The following ZFAND3 variants were observed in gnomAD, a reference collection of about 807,000 sequenced individuals.
ZFAND3 encodes zinc finger AN1-type containing 3.
A neutral mutation model predicts 29.6 loss-of-function variants in ZFAND3; 10 were observed. The ratio of observed to expected loss-of-function variants is 0.34; its 90% CI spans 0.21 to 0.57. The LOEUF (loss-of-function observed/expected upper bound fraction) is 0.57. ZFAND3 is among the 20% of genes least tolerant of loss of function. The pLI is 0.86. For synonymous variants in ZFAND3, 128 were observed against 112.6 expected (o/e 1.14, Z -0.87); for missense variants, 230 against 304.5 (o/e 0.76, Z 1.82).
At chr6:38,009,865 C>T (rs1015159397) in intron 2 of ZFAND3, among the ~76,000 whole-genome samples, 1 of 152,172 alleles carries the variant, frequency 6.6e-6, no homozygotes, top group African/African-American at 2.4e-5. Context: ...TCTTTTGAAT[C>T]TGAAATTGAT....
intron 1 of ZFAND3, among the ~76,000 whole-genome samples, chr6:37,904,548 G>A (rs1361499745): frequency 6.6e-6 from 1 of 152,174 alleles, no homozygotes; most frequent in Non-Finnish European, 1.5e-5. Context: ...TTGAAATAGT[G>A]ACAGAGGCTG....
chr6:37,964,882 A>G (rs894172027), intron 2 of ZFAND3, among the ~76,000 whole-genome samples: 1 of 152,188 alleles, frequency 6.6e-6, no homozygotes, highest in Non-Finnish European at 1.5e-5. Context: ...CATCTGGGGA[A>G]TGAGGGTAGT....
intron 1 of ZFAND3, among the ~76,000 whole-genome samples, chr6:37,826,677 C>T (rs1043114855): frequency 6.6e-6 from 1 of 151,322 alleles, no homozygotes; most frequent in African/African-American, 2.4e-5. Flanking sequence ...CGCTTGAATC[C>T]AGGAGGCAGA....
At chr6:38,130,255 GCAAA>G (rs1765717472) in intron 5 of ZFAND3, among the ~76,000 whole-genome samples, 1 of 152,162 alleles carries the variant, frequency 6.6e-6, no homozygotes, top group Non-Finnish European at 1.5e-5. Flanking sequence ...TCATCCATCA[GCAAA>G]CAGTGAGTTT....
At chr6:37,895,459 CTTTT>C (rs11331881) in intron 1 of ZFAND3, among the ~76,000 whole-genome samples, 1 of 76,772 alleles carries the variant, frequency 1.3e-5, no homozygotes, top group African/African-American at 5.2e-5. Context: ...CTCAGAGGTT[CTTTT>C]TTTTTTTTTT....
intron 1 of ZFAND3, among the ~76,000 whole-genome samples, 192 bp from the exon 2 acceptor site, chr6:37,929,767 T>TG (rs1363688623): frequency 6.6e-6 from 1 of 150,514 alleles, no homozygotes; most frequent in Non-Finnish European, 1.5e-5. Flanking sequence ...ATTTTTGTTT[T>TG]TTTTTTTTAA....
chr6:38,125,873 G>A (rs889409504), intron 5 of ZFAND3, among the ~76,000 whole-genome samples: 3 of 152,094 alleles, frequency 2.0e-5, no homozygotes, highest in African/African-American at 7.2e-5. Context: ...CCATTTTATG[G>A]TTGAATGAGT....
chr6:38,133,464 A>C (rs1325849007), intron 5 of ZFAND3, among the ~76,000 whole-genome samples: 1 of 152,086 alleles, frequency 6.6e-6, no homozygotes, highest in Non-Finnish European at 1.5e-5. Context: ...GCATTGTTGG[A>C]CAAGGCCGGG....
At chr6:37,945,193 T>C (rs1398310345) in intron 2 of ZFAND3, among the ~76,000 whole-genome samples, 1 of 152,218 alleles carries the variant, frequency 6.6e-6, no homozygotes, top group East Asian at 1.9e-4. Context: ...CAGGGTCTTC[T>C]TGGCTCCTAG....
chr6:37,866,798 G>A (rs1233030399), intron 1 of ZFAND3, among the ~76,000 whole-genome samples: 1 of 152,208 alleles, frequency 6.6e-6, no homozygotes, highest in Non-Finnish European at 1.5e-5. Context: ...AAATGTCAGT[G>A]AGAGATAGCT....
At chr6:38,091,146 A>G (rs1183260094) in intron 4 of ZFAND3, among the ~76,000 whole-genome samples, 1 of 152,254 alleles carries the variant, frequency 6.6e-6, no homozygotes. Flanking sequence ...GCACTCTAGT[A>G]TAAAAACGAA....
intron 2 of ZFAND3, among the ~76,000 whole-genome samples, chr6:38,043,610 C>T (rs1763838660): frequency 6.8e-6 from 1 of 146,624 alleles, no homozygotes; most frequent in Non-Finnish European, 1.5e-5. Context: ...CTCTTCCTTT[C>T]CCTCTCCCGC....
At chr6:38,094,404 A>G (rs890479952) in intron 4 of ZFAND3, among the ~76,000 whole-genome samples, 5 of 152,220 alleles carry the variant, frequency 3.3e-5, no homozygotes, top group Admixed American at 2.6e-4. Flanking sequence ...TAAAAGTAAC[A>G]TATGGTAACA....
chr6:38,037,057 G>A (rs752488331), intron 2 of ZFAND3, among the ~76,000 whole-genome samples: 4 of 152,188 alleles, frequency 2.6e-5, no homozygotes, highest in Non-Finnish European at 5.9e-5. Context: ...TTTGAAAAAT[G>A]TCATGTTCTA....
At chr6:37,888,054 A>G (rs970444073) in intron 1 of ZFAND3, among the ~76,000 whole-genome samples, 1 of 152,208 alleles carries the variant, frequency 6.6e-6, no homozygotes, top group African/African-American at 2.4e-5. Context: ...AAACAAAACA[A>G]AACTGTAAGG....
At chr6:38,029,556 A>G (rs1011051129) in intron 2 of ZFAND3, among the ~76,000 whole-genome samples, 1 of 152,202 alleles carries the variant, frequency 6.6e-6, no homozygotes, top group African/African-American at 2.4e-5. Flanking sequence ...ATCTCAGGCA[A>G]TGACTAAAGT....
At chr6:38,069,577 T>A (rs1006947056) in intron 3 of ZFAND3, among the ~76,000 whole-genome samples, 1 of 152,248 alleles carries the variant, frequency 6.6e-6, no homozygotes, top group Non-Finnish European at 1.5e-5. Flanking sequence ...CAAAGCATGC[T>A]GCTTTTATTA....
At chr6:38,026,787 C>CAGAGAG (rs71907088) in intron 2 of ZFAND3, among the ~76,000 whole-genome samples, 98 of 149,024 alleles carry the variant, frequency 6.6e-4, no homozygotes, top group South Asian at 4.5e-3. Flanking sequence ...TTTTAATAAC[C>CAGAGAG]AGAGAGAGAG....
intron 1 of ZFAND3, among the ~76,000 whole-genome samples, chr6:37,856,246 C>T (rs1325401573): frequency 2.6e-5 from 4 of 152,032 alleles, no homozygotes; most frequent in East Asian, 1.9e-4. Flanking sequence ...CTGCCCCACT[C>T]GGCCTCCCAG....
Sources: gnomAD v4.1 joint callset for allele counts (sites outside exome capture counted in the v4.1 genomes callset) on GRCh38, gnomAD v4.1.1 for gene constraint, MANE v1.5 for transcripts, NCBI Gene and HGNC (gene_info 2026-07-23, HGNC 2026-07-21) for gene names.